LINGO2: variants seen among roughly 807,000 people sequenced by gnomAD.
LINGO2 encodes leucine-rich repeat and immunoglobulin-like domain-containing nogo receptor-interacting protein 2.
LINGO2 carries 14 observed loss-of-function variants against 30.6 expected under a neutral mutation model. The observed-to-expected ratio is 0.46, with a 90% confidence interval of 0.30 to 0.72. The LOEUF is 0.72. LINGO2 is among the 30% of genes least tolerant of loss of function. The probability of loss-of-function intolerance (pLI) is 0.07; values close to 1 mark genes in which losing one functional copy is unlikely to be tolerated. For synonymous variants in LINGO2, 317 were observed against 288.5 expected (o/e 1.10, Z -1.00); for missense variants, 729 against 751.7 (o/e 0.97, Z 0.35).
chr9:28,862,986 C>T, the LINGO2 span, among the ~76,000 whole-genome samples: 3 of 152,114 alleles, frequency 2.0e-5, no homozygotes, highest in Admixed American at 2.0e-4. Context: ...GTAAAGGTTA[C>T]ACAATCTTTT....
exon 6 of LINGO2, chr9:27,950,294 C>T (rs745910156): frequency 4.3e-6 from 7 of 1,614,066 alleles, no homozygotes; most frequent in South Asian, 1.1e-5. Flanking sequence ...TGGACAGCCC[C>T]GTGAATACTC....
intron 1 of LINGO2, among the ~76,000 whole-genome samples, chr9:28,526,215 A>C (rs1227344054): frequency 6.6e-6 from 1 of 152,166 alleles, no homozygotes; most frequent in East Asian, 1.9e-4. Context: ...TTCTGGAAGA[A>C]TGTTACTTGG....
At chr9:28,591,182 T>C (rs898588375) in intron 1 of LINGO2, among the ~76,000 whole-genome samples, 1 of 151,844 alleles carries the variant, frequency 6.6e-6, no homozygotes, top group African/African-American at 2.4e-5. Context: ...GCGGGAGGGA[T>C]AGCATTAGGA....
chr9:28,801,313 G>A, the LINGO2 span, among the ~76,000 whole-genome samples: 38 of 152,126 alleles, frequency 2.5e-4, no homozygotes, highest in African/African-American at 8.4e-4. Flanking sequence ...GATGATCTCA[G>A]GAGAGTGTAT....
the LINGO2 span, among the ~76,000 whole-genome samples, chr9:28,758,829 A>G: frequency 1.3e-5 from 2 of 152,104 alleles, no homozygotes; most frequent in African/African-American, 4.8e-5. Flanking sequence ...TACTTATGTA[A>G]TAACGATAAC....
the LINGO2 span, among the ~76,000 whole-genome samples, chr9:29,044,810 A>T: frequency 6.6e-6 from 1 of 152,114 alleles, no homozygotes; most frequent in Non-Finnish European, 1.5e-5. Context: ...ACTGGAGCCT[A>T]CGTACACTGC....
intron 1 of LINGO2, among the ~76,000 whole-genome samples, chr9:28,617,377 C>G (rs1283819251): frequency 2.6e-5 from 4 of 151,720 alleles, no homozygotes; most frequent in East Asian, 1.9e-4. Context: ...ATCACTGCAA[C>G]TTCCGCCTCC....
intron 4 of LINGO2, among the ~76,000 whole-genome samples, chr9:28,176,396 A>ACAT (rs746244535): frequency 9.6e-4 from 146 of 152,306 alleles, no homozygotes; most frequent in Non-Finnish European, 1.6e-3. Context: ...CTTTGTCTAT[A>ACAT]CATCTATAGT....
At chr9:28,644,781 CAAAACA>C (rs1296860623) in intron 1 of LINGO2, among the ~76,000 whole-genome samples, 2 of 151,984 alleles carry the variant, frequency 1.3e-5, no homozygotes, top group African/African-American at 4.8e-5. Context: ...ATGCCTGTAT[CAAAACA>C]TCTCCTGCAC....
At chr9:29,100,242 G>A in the LINGO2 span, among the ~76,000 whole-genome samples, 9 of 152,316 alleles carry the variant, frequency 5.9e-5, no homozygotes, top group Non-Finnish European at 1.5e-5. Flanking sequence ...AGAGTGATCT[G>A]TGTGAGAGGA....
rs183832963 is a variant in LINGO2, at chr9:28,211,778, T to C, written c.-87+83430A>G. Reference sequence around the variant, plus strand: ...CCAGAAATGAGCAAATGCATATTCCTCAAATATTAATTCAGGAGAGGTTGT... The same window carrying C: ...CCAGAAATGAGCAAATGCATATTCCCCAAATATTAATTCAGGAGAGGTTGT... On this transcript the variant is annotated intron_variant, in intron 4 of 5. Transcript: ENST00000379992. 2.1e-3 allele frequency among the ~76,000 whole-genome samples: 317 copies of C among 151,544 alleles called. 3 individuals carry two copies. Among genetic ancestry groups the C allele is most frequent in the Middle Eastern group, 0.02 (6 of 294 alleles).
chr9:28,847,948 CAT>C, the LINGO2 span, among the ~76,000 whole-genome samples: 13 of 73,646 alleles, frequency 1.8e-4, no homozygotes, highest in African/African-American at 5.0e-4. Flanking sequence ...TATATGTATG[CAT>C]ATATATACAC....
chr9:28,351,976 A>T lies in LINGO2; in HGVS notation c.-246+20860T>A, dbSNP rs1431021792. Among the ~76,000 whole-genome samples the T allele has an allele frequency of 1.3e-4, 19 of 151,714 alleles. No homozygotes were observed. The East Asian group carries it at 3.4e-3, about 27-fold the overall frequency. ...CCCTTCATGCTAAAAACTCTCAATA[A>T]ATTAGGTATTGCTGGGATGTATTTC... On this transcript the variant is annotated intron_variant, in intron 3 of 5. Coordinates refer to ENST00000379992, the Ensembl canonical transcript of LINGO2.
At chr9:28,084,661 C>G (rs745791966) in intron 4 of LINGO2, among the ~76,000 whole-genome samples, 33 of 152,024 alleles carry the variant, frequency 2.2e-4, no homozygotes, top group Non-Finnish European at 4.9e-4. Context: ...GAATCCAAAC[C>G]CGCTGACTCC....
At chr9:28,626,123 T>C (rs563858264) in intron 1 of LINGO2, among the ~76,000 whole-genome samples, 1 of 152,260 alleles carries the variant, frequency 6.6e-6, no homozygotes. Context: ...ATTTTAGTTG[T>C]TGCACAGTTT....
chr9:29,079,933 T>C, the LINGO2 span, among the ~76,000 whole-genome samples: 1 of 152,058 alleles, frequency 6.6e-6, no homozygotes, highest in African/African-American at 2.4e-5. Flanking sequence ...TTACAAACAT[T>C]AACTCATTTT....
At chr9:29,194,776 G>A in the LINGO2 span, among the ~76,000 whole-genome samples, 1 of 152,056 alleles carries the variant, frequency 6.6e-6, no homozygotes, top group Admixed American at 6.6e-5. Context: ...CCTTTACCAA[G>A]ATTTCCTCCA....
chr9:28,793,728 TTTTC>T, the LINGO2 span, among the ~76,000 whole-genome samples: 1 of 152,180 alleles, frequency 6.6e-6, no homozygotes, highest in South Asian at 2.1e-4. Context: ...ATTCTATGTC[TTTTC>T]TATTCAAAGT....
At chr9:28,367,480 T>A (rs1820722527) in intron 3 of LINGO2, among the ~76,000 whole-genome samples, 1 of 152,098 alleles carries the variant, frequency 6.6e-6, no homozygotes, top group African/African-American at 2.4e-5. Context: ...GGAAATGTTA[T>A]CTCCTTCTTA....
Sources: allele counts gnomAD v4.1 joint callset (sites outside exome capture counted in the v4.1 genomes callset), GRCh38; gene constraint gnomAD v4.1.1; transcripts MANE v1.5; gene names NCBI Gene and HGNC (gene_info 2026-07-23, HGNC 2026-07-21).